FAM81B: variants seen among roughly 807,000 people sequenced by gnomAD.
The protein encoded by FAM81B is family with sequence similarity 81 member B, also known as protein FAM81B.
In FAM81B, 60 loss-of-function variants were observed where a neutral mutation model predicts 58.7. The ratio of observed to expected loss-of-function variants is 1.02; its 90% CI spans 0.83 to 1.27. FAM81B has a LOEUF of 1.27. Ranked by LOEUF, FAM81B falls within the 50% of genes most tolerant of loss-of-function variation. The probability of loss-of-function intolerance (pLI) is 0.00; values close to 1 mark genes in which losing one functional copy is unlikely to be tolerated. For synonymous variants in FAM81B, 189 were observed against 179.6 expected (o/e 1.05, Z -0.42); for missense variants, 491 against 522.0 (o/e 0.94, Z 0.58).
intron 7 of FAM81B, among the ~76,000 whole-genome samples, chr5:95,442,558 TTCTG>T (rs2152770166): frequency 6.6e-6 from 1 of 152,328 alleles, no homozygotes; most frequent in South Asian, 2.1e-4. Flanking sequence ...CATCTCACAA[TTCTG>T]TCTATTGAAA....
At chr5:95,396,050 G>A in intron 2 of FAM81B, 61 bp from the exon 3 acceptor site, 1 of 1,291,838 alleles carries the variant, frequency 7.7e-7, no homozygotes, top group South Asian at 1.3e-5. Context: ...AAGATAAACT[G>A]CATAGAAGTA....
intron 7 of FAM81B, among the ~76,000 whole-genome samples, chr5:95,441,085 G>C (rs568702176): frequency 6.6e-6 from 1 of 151,992 alleles, no homozygotes; most frequent in Non-Finnish European, 1.5e-5. Context: ...ATTGAAACCC[G>C]AGACGATGGC....
At chr5:95,447,709 T>C (rs1284177408) in intron 8 of FAM81B, among the ~76,000 whole-genome samples, 1 of 152,148 alleles carries the variant, frequency 6.6e-6, no homozygotes, top group Non-Finnish European at 1.5e-5. Flanking sequence ...AGATTCCCTG[T>C]GGAGAAGTGA....
chr5:95,447,524 T>G (rs998307599), intron 8 of FAM81B, among the ~76,000 whole-genome samples: 1 of 152,222 alleles, frequency 6.6e-6, no homozygotes, highest in South Asian at 2.1e-4. Flanking sequence ...ATTAGGCAGA[T>G]TCCTTTACCA....
intron 3 of FAM81B, among the ~76,000 whole-genome samples, chr5:95,407,161 T>G (rs570905313): frequency 1.3e-5 from 2 of 152,090 alleles, no homozygotes; most frequent in Admixed American, 1.3e-4. Flanking sequence ...ACCAGACAGT[T>G]GAAGTATGTG....
chr5:95,442,607 G>C (rs1185660284), intron 7 of FAM81B, among the ~76,000 whole-genome samples: 1 of 151,960 alleles, frequency 6.6e-6, no homozygotes. Flanking sequence ...AAAAGGGAAA[G>C]ACCACATTGA....
chr5:95,445,644 C>T (rs572583015), intron 7 of FAM81B, among the ~76,000 whole-genome samples: 34 of 152,210 alleles, frequency 2.2e-4, no homozygotes, highest in Admixed American at 5.9e-4. Flanking sequence ...TCTATTACTT[C>T]TGCTTTTGCC....
intron 1 of FAM81B, among the ~76,000 whole-genome samples, chr5:95,392,265 ACAC>A (rs1761842835): frequency 6.6e-6 from 1 of 152,214 alleles, no homozygotes; most frequent in Non-Finnish European, 1.5e-5. Context: ...GGAAAACCAA[ACAC>A]CACATGTTCT....
intron 6 of FAM81B, 22 bp downstream of exon 6, chr5:95,428,754 T>C: frequency 1.2e-6 from 2 of 1,613,444 alleles, no homozygotes; most frequent in Non-Finnish European, 1.7e-6. Flanking sequence ...TAGATGGGAC[T>C]CATATTACGT....
At chr5:95,427,444 A>G (rs1226881480) in intron 5 of FAM81B, among the ~76,000 whole-genome samples, 4 of 152,102 alleles carry the variant, frequency 2.6e-5, no homozygotes, top group African/African-American at 4.8e-5. Context: ...CACCCCCACT[A>G]CAACCATTTT....
Position 95,414,026 on chromosome 5 carries a change from A to G in FAM81B, c.373A>G (p.Ile125Val), listed in dbSNP as rs1561297981. The G allele has an allele frequency of 1.2e-6, 2 of 1,614,092 alleles. No individual in the cohort carries two copies. Among genetic ancestry groups the G allele is most frequent in the Non-Finnish European group, 1.7e-6 (2 of 1,180,002 alleles). ...CAGACTGAACAACCAGGCGCGTACC[A>G]TAGCTTTCCTTCTTGAACAAGCCTT... ...EDRLNNQART[I>V]AFLLEQAFRI... is the part of the protein sequence containing the mutation. The change falls in exon 4 of 10, where the codon ATA becomes GTA. Residue 125 changes from isoleucine to valine, a missense_variant. Ile to Val is a conservative substitution (Grantham distance 29). Coordinates refer to ENST00000283357, the MANE Select transcript of FAM81B (RefSeq NM_152548.3).
chr5:95,441,437 C>T (rs1456616315), intron 7 of FAM81B, among the ~76,000 whole-genome samples: 17 of 151,884 alleles, frequency 1.1e-4, no homozygotes, highest in African/African-American at 3.4e-4. Context: ...GCCGTGGTGG[C>T]GGGCGCCTGT....
intron 3 of FAM81B, among the ~76,000 whole-genome samples, chr5:95,402,316 A>C (rs1407675305): frequency 6.6e-6 from 1 of 152,198 alleles, no homozygotes; most frequent in African/African-American, 2.4e-5. Context: ...ATAGGGAAAA[A>C]ATATAAGCTG....
intron 9 of FAM81B, 64 bp from the exon 10 acceptor site, chr5:95,450,085 A>G (rs1745741850): frequency 6.5e-7 from 1 of 1,528,768 alleles, no homozygotes; most frequent in African/African-American, 1.4e-5. Flanking sequence ...GCCGATTAGC[A>G]ACTTTTTTAA....
At chr5:95,402,245 C>T (rs1464200029) in intron 3 of FAM81B, among the ~76,000 whole-genome samples, 3 of 152,142 alleles carry the variant, frequency 2.0e-5, no homozygotes, top group Non-Finnish European at 2.9e-5. Context: ...GTTTGTTCTT[C>T]CATGGTTGAT....
intron 3 of FAM81B, among the ~76,000 whole-genome samples, chr5:95,400,528 C>T (rs1485771414): frequency 6.6e-6 from 1 of 152,110 alleles, no homozygotes; most frequent in East Asian, 1.9e-4. Context: ...AGGACCTCAC[C>T]TTAACTAATT....
intron 6 of FAM81B, among the ~76,000 whole-genome samples, chr5:95,434,376 T>C (rs975410203): frequency 3.9e-5 from 6 of 152,164 alleles, no homozygotes; most frequent in African/African-American, 1.4e-4. Context: ...CCATGTGGCC[T>C]TTCTCCAGCA....
chr5:95,425,337 C>T (rs913969332), intron 5 of FAM81B, among the ~76,000 whole-genome samples: 1 of 152,068 alleles, frequency 6.6e-6, no homozygotes, highest in African/African-American at 2.4e-5. Flanking sequence ...ATAAAGACTG[C>T]AACGAGCATC....
At chr5:95,423,206 ATAT>A in intron 5 of FAM81B, among the ~76,000 whole-genome samples, 1 of 152,346 alleles carries the variant, frequency 6.6e-6, no homozygotes, top group African/African-American at 2.4e-5. Context: ...ATCAGTCTCA[ATAT>A]TTAATAACTA....
Sources: gnomAD v4.1 joint callset for allele counts (sites outside exome capture counted in the v4.1 genomes callset) on GRCh38, gnomAD v4.1.1 for gene constraint, MANE v1.5 for transcripts, NCBI Gene and HGNC (gene_info 2026-07-23, HGNC 2026-07-21) for gene names.